Variants in CEP350 observed in about 807,000 individuals in gnomAD.
The protein encoded by CEP350 is centrosomal protein 350, also known as centrosome-associated protein 350.
CEP350 carries 126 observed loss-of-function variants against 331.8 expected under a neutral mutation model. The observed-to-expected ratio is 0.38, with a 90% CI of 0.33 to 0.44. The LOEUF is 0.44. Among genes scored for constraint, CEP350 ranks in the 20% least tolerant of loss-of-function variants. The pLI is 1.00. For synonymous variants in CEP350, 1,200 were observed against 1,259.5 expected (o/e 0.95, Z 1.00); for missense variants, 3,406 against 3,634.6 (o/e 0.94, Z 1.62).
At chr1:180,055,859 T>TA (rs1281390350) in intron 25 of CEP350, among the ~76,000 whole-genome samples, 1 of 152,082 alleles carries the variant, frequency 6.6e-6, no homozygotes, top group Non-Finnish European at 1.5e-5. Context: ...TTCTATTTTT[T>TA]AAAAAATAAG....
At chr1:179,967,389 G>A (rs545133047) in intron 1 of CEP350, among the ~76,000 whole-genome samples, 44 of 152,166 alleles carry the variant, frequency 2.9e-4, no homozygotes, top group African/African-American at 1.0e-3. Context: ...AATAGTAATA[G>A]CACTGGCTAT....
At chr1:179,959,260 C>G (rs1217481126) in intron 1 of CEP350, among the ~76,000 whole-genome samples, 1 of 152,158 alleles carries the variant, frequency 6.6e-6, no homozygotes, top group African/African-American at 2.4e-5. Context: ...AGTTCGAGAC[C>G]GGCCTGGCCA....
chr1:180,092,520 T>C (rs1297134153), intron 33 of CEP350, 94 bp from the exon 34 acceptor site: 13 of 878,172 alleles, frequency 1.5e-5, no homozygotes, highest in African/African-American at 6.8e-5. Context: ...GGGGTTTTTT[T>C]CACTAAAATT....
At chr1:179,966,342 G>A (rs954788588) in intron 1 of CEP350, among the ~76,000 whole-genome samples, 8 of 152,112 alleles carry the variant, frequency 5.3e-5, no homozygotes, top group Admixed American at 3.3e-4. Context: ...AAAGTGCAGT[G>A]TTCATTTGGA....
In CEP350 at chr1:180,113,750, C is replaced by T. The variant is rs556476069; in HGVS notation, c.*2589C>T. The stretch of plus-strand genomic sequence containing the variant: ...TCAAGAACCTAAATATTCCCTCTTT[C>T]TAATCTTTGTTCCTTCTCCCTACAC... On this transcript the variant is annotated 3_prime_UTR_variant, in exon 38 of 38. Coordinates refer to ENST00000367607, the MANE Select transcript of CEP350 (RefSeq NM_014810.5). 222 of 152,454 alleles carry T rather than the reference C, an allele frequency of 1.5e-3. 2 individuals are homozygous for T. The highest frequency in any genetic ancestry group is 7.1e-4 in the Non-Finnish European group (48 of 68,014). 9.4% of individuals were successfully genotyped at this position (152,454 alleles called of 1,614,324 possible). A position where few individuals can be genotyped will look rare whatever the true frequency, so the allele number is the denominator to read the frequency against.
intron 14 of CEP350, among the ~76,000 whole-genome samples, chr1:180,026,753 A>G (rs1231048066): frequency 2.0e-5 from 3 of 152,244 alleles, no homozygotes; most frequent in East Asian, 3.8e-4. Flanking sequence ...TTCACTTAGC[A>G]TAATATCTGA....
At chr1:180,090,286 C>G (rs1660093528) in intron 32 of CEP350, among the ~76,000 whole-genome samples, 2 of 152,016 alleles carry the variant, frequency 1.3e-5, no homozygotes, top group Admixed American at 1.3e-4. Flanking sequence ...GTGGCTCACG[C>G]CTGTAATCCC....
intron 32 of CEP350, 78 bp downstream of exon 32, chr1:180,087,795 C>G (rs1659950540): frequency 7.9e-7 from 1 of 1,273,724 alleles, no homozygotes; most frequent in Non-Finnish European, 1.0e-6. Flanking sequence ...TAGAAGTTAC[C>G]CTTTAAGTAA....
At chr1:180,023,309 G>A (rs922656988) in intron 13 of CEP350, among the ~76,000 whole-genome samples, 8 of 151,912 alleles carry the variant, frequency 5.3e-5, no homozygotes, top group Non-Finnish European at 1.2e-4. Flanking sequence ...CTTAGAACAG[G>A]GCCTGGCACA....
Position 180,093,616 on chromosome 1 carries a change from T to C in CEP350, c.7511T>C (p.Leu2504Ser), listed in dbSNP as rs1429939446. The C allele has an allele frequency of 6.2e-7, 1 of 1,613,948 alleles. No homozygotes were observed. Among genetic ancestry groups the C allele is most frequent in the Non-Finnish European group, 8.5e-7 (1 of 1,179,878 alleles). Residue 2504 changes from leucine (L) to serine (S), a missense_variant, in exon 34 of 38, where the codon TTG (leucine) becomes TCG (serine). This residue lies in a region of CEP350 where 1,415 missense variants were observed against 1,512.3 expected (regional missense o/e 0.94). Coordinates refer to ENST00000367607, the MANE Select transcript of CEP350 (RefSeq NM_014810.5). ...GATTTCCACATTGGTGATAGGGTGT[T>C]GATTGGAAATGTTCAGCCAGGAATT... is the stretch of plus-strand genomic sequence containing the variant. Reference protein sequence around the residue: ...LFDFHIGDRVLIGNVQPGILR... With the variant: ...LFDFHIGDRVSIGNVQPGILR...
chr1:179,955,401 C>G (rs1034581285), intron 1 of CEP350, among the ~76,000 whole-genome samples: 1 of 152,230 alleles, frequency 6.6e-6, no homozygotes, highest in Non-Finnish European at 1.5e-5. Context: ...TCCTCCACCC[C>G]TCCTCTAGCC....
intron 14 of CEP350, among the ~76,000 whole-genome samples, chr1:180,025,356 T>G (rs1655601987): frequency 6.6e-6 from 1 of 152,144 alleles, no homozygotes; most frequent in Non-Finnish European, 1.5e-5. Flanking sequence ...TTTTTAAGCT[T>G]ATATGAAATT....
At chr1:180,030,455 A>G (rs1490283041) in intron 14 of CEP350, among the ~76,000 whole-genome samples, 1 of 151,474 alleles carries the variant, frequency 6.6e-6, no homozygotes, top group East Asian at 1.9e-4. Flanking sequence ...GTAATAATAA[A>G]TATTTTCCCA....
chr1:180,077,524 G>A (rs527347903), intron 28 of CEP350, among the ~76,000 whole-genome samples: 1 of 151,696 alleles, frequency 6.6e-6, no homozygotes, highest in Non-Finnish European at 1.5e-5. Flanking sequence ...AATATTAGCC[G>A]GGCATGGTGG....
chr1:179,997,562 T>C (rs1053769006), intron 6 of CEP350, among the ~76,000 whole-genome samples: 9 of 146,688 alleles, frequency 6.1e-5, no homozygotes, highest in African/African-American at 2.0e-4. Context: ...AAAAAAAAAA[T>C]TATTTCAACA....
chr1:179,985,194 T>C (rs1020152526), intron 1 of CEP350, among the ~76,000 whole-genome samples: 4 of 152,168 alleles, frequency 2.6e-5, no homozygotes, highest in Non-Finnish European at 4.4e-5. Flanking sequence ...ACCATTCTAC[T>C]TTCTGTCTCT....
At chr1:180,003,665 T>C (rs566308726) in intron 7 of CEP350, among the ~76,000 whole-genome samples, 1 of 152,064 alleles carries the variant, frequency 6.6e-6, no homozygotes, top group Admixed American at 6.6e-5. Flanking sequence ...GAGAGCAAGA[T>C]ACCAAAAGAA....
chr1:180,108,980 C>T (rs1347201236), intron 37 of CEP350, among the ~76,000 whole-genome samples: 2 of 152,146 alleles, frequency 1.3e-5, no homozygotes, highest in Admixed American at 1.3e-4. Flanking sequence ...TTGTCAACTC[C>T]AGCCAAGGAT....
At position 179,971,004 on chromosome 1, in the gene CEP350, AAAT is replaced by A. The variant is rs565848136; in HGVS notation, c.-13-15159_-13-15157del. 5.4e-3 allele frequency among the ~76,000 whole-genome samples: 819 copies of A among 152,106 alleles called. 4 individuals carry two copies. The highest frequency in any genetic ancestry group is 0.019 in the African/African-American group (772 of 41,472). On this transcript the variant is annotated intron_variant, in intron 1 of 37. Coordinates refer to ENST00000367607, the MANE Select transcript of CEP350 (RefSeq NM_014810.5). Reference sequence around the variant, plus strand: ...ATAATGATAAACCTATTACATGTTAAAATAATAACTTTTTGTTGTTGTTGTTTG... The same window carrying A: ...ATAATGATAAACCTATTACATGTTAAAATAACTTTTTGTTGTTGTTGTTTG...
Sources: gnomAD v4.1 joint callset for allele counts (sites outside exome capture counted in the v4.1 genomes callset) on GRCh38, gnomAD v4.1.1 for gene constraint, gnomAD v4.1.1 regional missense constraint, MANE v1.5 for transcripts, NCBI Gene and HGNC (gene_info 2026-07-23, HGNC 2026-07-21) for gene names.